Variants in ATP13A3 observed in about 807,000 individuals in gnomAD.
The protein encoded by ATP13A3 is polyamine-transporting ATPase 13A3.
Under a neutral mutation model 158.1 loss-of-function variants are expected in ATP13A3, and 59 were observed. That is an observed-to-expected ratio of 0.37 (90% CI 0.30 to 0.46). The LOEUF is 0.46. Among genes scored for constraint, ATP13A3 ranks in the 20% least tolerant of loss-of-function variants. The probability of loss-of-function intolerance (pLI) is 1.00; values close to 1 mark genes in which losing one functional copy is unlikely to be tolerated. For missense variants in ATP13A3, 1,166 were observed against 1,525.2 expected (o/e 0.76, Z 3.92); for synonymous variants, 491 against 504.3 (o/e 0.97, Z 0.35).
intron 30 of ATP13A3, chr3:194,424,582 A>T (rs1415511916): frequency 6.6e-6 from 1 of 152,244 alleles, no homozygotes; most frequent in Non-Finnish European, 1.5e-5. Flanking sequence ...CCACCTAGTC[A>T]TAACTACAGC....
rs1208643552 is a variant in ATP13A3, at chr3:194,415,661, C to CTGTTTTTTTTTT, written c.3403-1823_3403-1822insAAAAAAAAAACA. Among the ~76,000 whole-genome samples, 5 of 90,928 alleles carry CTGTTTTTTTTTT rather than the reference C, an allele frequency of 5.5e-5. No individual in the cohort carries two copies. The East Asian group carries it at 9.6e-4, about 18-fold the overall frequency. The allele number at this position is 90,928 out of a possible 152,430, so 59.7% of individuals were successfully genotyped here. On this transcript the variant is annotated intron_variant, in intron 31 of 33. Transcript: ENST00000645319. ...GTGCAAGGATTTACAATACCACATT[C>CTGTTTTTTTTTT]TTTTTTTTTTTTTTTTTTTTTTTTT... is the stretch of plus-strand genomic sequence containing the variant.
At chr3:194,431,596 C>G (rs1717225158) in intron 22 of ATP13A3, 121 bp downstream of exon 22, 1 of 1,009,386 alleles carries the variant, frequency 9.9e-7, no homozygotes, top group Non-Finnish European at 1.4e-6. Flanking sequence ...GAAAAAATAG[C>G]CCTGACTTCT....
intron 20 of ATP13A3, among the ~76,000 whole-genome samples, chr3:194,434,448 G>C (rs1261450787): frequency 6.6e-6 from 1 of 152,192 alleles, no homozygotes. Context: ...TGAGTATCAA[G>C]AATGCAGCAG....
At chr3:194,426,035 A>G (rs1003677862) in intron 29 of ATP13A3, among the ~76,000 whole-genome samples, 1 of 152,242 alleles carries the variant, frequency 6.6e-6, no homozygotes, top group African/African-American at 2.4e-5. Flanking sequence ...TCAGGTAGGC[A>G]GGACCATCAG....
chr3:194,441,672 T>A (rs1224123013), intron 15 of ATP13A3, among the ~76,000 whole-genome samples: 2 of 150,786 alleles, frequency 1.3e-5, no homozygotes, highest in Admixed American at 6.6e-5. Flanking sequence ...GCTGGGGGGA[T>A]GAAGGGAGGG....
chr3:194,424,560 A>G (rs1441607957), intron 30 of ATP13A3: 1 of 152,250 alleles, frequency 6.6e-6, no homozygotes, highest in African/African-American at 2.4e-5. Context: ...TGACCTGCCA[A>G]CTAGAACACT....
In ATP13A3 at chr3:194,417,237, A is replaced by G. The variant is rs1263803570; in HGVS notation, c.3402+2642T>C. ...AGAGTTCAAGACAAGCCTGGCCAAC[A>G]TGGTGAAAACCCATCTCTACTAAGA... is the stretch of plus-strand genomic sequence containing the variant. On this transcript the variant is annotated intron_variant, in intron 31 of 33. Transcript: ENST00000645319. Among the ~76,000 whole-genome samples the G allele has an allele frequency of 2.0e-5, 3 of 152,308 alleles. No individual in the cohort carries two copies. The East Asian group carries it at 5.8e-4, about 29-fold the overall frequency.
At chr3:194,476,767 T>G (rs1720541889) in intron 2 of ATP13A3, among the ~76,000 whole-genome samples, 2 of 111,654 alleles carry the variant, frequency 1.8e-5, no homozygotes, top group Admixed American at 8.3e-5. Flanking sequence ...TAAGTTGTTG[T>G]TTTTTTTTTT....
At chr3:194,441,936 G>A (rs867008516) in intron 15 of ATP13A3, among the ~76,000 whole-genome samples, 7 of 152,132 alleles carry the variant, frequency 4.6e-5, no homozygotes, top group African/African-American at 1.4e-4. Flanking sequence ...GCTAATATCT[G>A]CATAATATTT....
In ATP13A3 at chr3:194,425,552, C is replaced by G. The variant is rs370766182; in HGVS notation, c.3126-23G>C. Reference sequence around the variant, plus strand: ...GCACTAGAACACATGCAAAAAATGTCTGCATTAGTAAACATAATACTCATT... The same window carrying G: ...GCACTAGAACACATGCAAAAAATGTGTGCATTAGTAAACATAATACTCATT... On this transcript the variant is annotated intron_variant, in intron 29 of 33. Transcript: ENST00000645319. 6 of 1,578,976 alleles carry G rather than the reference C, an allele frequency of 3.8e-6. No individual in the cohort carries two copies. In the African/African-American group the frequency reaches 8.2e-5, roughly 22 times the overall value.
intron 33 of ATP13A3, among the ~76,000 whole-genome samples, chr3:194,410,916 G>A (rs1420987542): frequency 6.9e-6 from 1 of 145,834 alleles, no homozygotes; most frequent in Non-Finnish European, 1.5e-5. Context: ...ATATATGGGG[G>A]TGGGAGGGTT....
At chr3:194,428,754 T>G in intron 28 of ATP13A3, 91 bp downstream of exon 28, 1 of 858,032 alleles carries the variant, frequency 1.2e-6, no homozygotes, top group Non-Finnish European at 1.8e-6. Flanking sequence ...GTGAGCTATG[T>G]TACAATTGTT....
At chr3:194,419,994 A>G (rs1163861803) in intron 30 of ATP13A3, 27 bp from the exon 31 acceptor site, 4 of 1,500,900 alleles carry the variant, frequency 2.7e-6, no homozygotes, top group Non-Finnish European at 3.5e-6. Flanking sequence ...AAGTAAAACA[A>G]GTAAATTAGG....
intron 20 of ATP13A3, among the ~76,000 whole-genome samples, chr3:194,434,437 C>A (rs1427633473): frequency 6.6e-6 from 1 of 152,156 alleles, no homozygotes; most frequent in Admixed American, 6.5e-5. Flanking sequence ...CTTTAAATAA[C>A]TGAGTATCAA....
rs999501499 is a variant in ATP13A3, at chr3:194,430,390, T to C, written c.2625-75A>G. 3.5e-6 allele frequency: 5 copies of C among 1,447,658 alleles called. No individual in the cohort carries two copies. The African/African-American group carries it at 7.1e-5, about 21-fold the overall frequency. 89.7% of individuals were successfully genotyped at this position (1,447,658 alleles called of 1,614,324 possible). On this transcript the variant is annotated intron_variant, in intron 24 of 33. Coordinates refer to ENST00000645319, the MANE Select transcript of ATP13A3 (RefSeq NM_001367549.1). ...AACATTTAACTTATTAAGACTTTTC[T>C]ATTACAGTATTATAAAGAGCTAACA...
chr3:194,410,934 TGG>T (rs201661272), intron 33 of ATP13A3, among the ~76,000 whole-genome samples: 1 of 95,410 alleles, frequency 1.0e-5, no homozygotes, highest in African/African-American at 6.5e-5. Flanking sequence ...GTTGGGGTGT[TGG>T]GGTGTGTGTG....
intron 13 of ATP13A3, among the ~76,000 whole-genome samples, chr3:194,447,435 C>T (rs771060619): frequency 2.2e-4 from 33 of 152,182 alleles, no homozygotes; most frequent in Non-Finnish European, 4.1e-4. Flanking sequence ...AGCGTGCACA[C>T]ACCTTACTGT....
intron 2 of ATP13A3, among the ~76,000 whole-genome samples, chr3:194,493,663 C>G (rs918801671): frequency 6.6e-6 from 1 of 152,086 alleles, no homozygotes; most frequent in Non-Finnish European, 1.5e-5. Flanking sequence ...AAGAATCCCT[C>G]TTTAGTGCAT....
At chr3:194,430,234 G>A (rs1233020353) in intron 25 of ATP13A3, 39 bp downstream of exon 25, 2 of 1,613,328 alleles carry the variant, frequency 1.2e-6, no homozygotes, top group Non-Finnish European at 1.7e-6. Flanking sequence ...TTAGGCTAGA[G>A]TAAGAACTAT....
Sources: allele counts gnomAD v4.1 joint callset (sites outside exome capture counted in the v4.1 genomes callset), GRCh38; gene constraint gnomAD v4.1.1; transcripts MANE v1.5; gene names NCBI Gene and HGNC (gene_info 2026-07-23, HGNC 2026-07-21).